The following MCPH1 variants were observed in gnomAD, a reference collection of about 807,000 sequenced individuals.
MCPH1 encodes the protein microcephalin 1, also known as microcephalin.
Under a neutral mutation model 84.5 loss-of-function variants are expected in MCPH1, and 104 were observed. The observed-to-expected ratio is 1.23, with a 90% confidence interval of 1.05 to 1.45. The LOEUF (loss-of-function observed/expected upper bound fraction) is 1.45, where lower values mean the gene tolerates loss of function less well. Among genes scored for constraint, MCPH1 ranks in the 40% most tolerant of loss-of-function variants. The probability of loss-of-function intolerance (pLI) is 0.00; values close to 1 mark genes in which losing one functional copy is unlikely to be tolerated. For missense variants in MCPH1, 1,498 were observed against 1,005.7 expected (o/e 1.49, Z -6.62); for synonymous variants, 514 against 366.8 (o/e 1.40, Z -4.58).
chr8:6,575,045 C>T (rs929381321), intron 12 of MCPH1, among the ~76,000 whole-genome samples: 13 of 152,156 alleles, frequency 8.5e-5, no homozygotes, highest in Admixed American at 7.9e-4. Context: ...TTCTCAAGGG[C>T]TCGGAAGGGG....
At chr8:6,439,429 C>T (rs866956899) in intron 6 of MCPH1, among the ~76,000 whole-genome samples, 1 of 145,298 alleles carries the variant, frequency 6.9e-6, no homozygotes, top group South Asian at 2.2e-4. Context: ...TTGCATTTGT[C>T]ACCCAGGCTG....
At chr8:6,572,867 C>T (rs1403742454) in intron 12 of MCPH1, among the ~76,000 whole-genome samples, 2 of 152,194 alleles carry the variant, frequency 1.3e-5, no homozygotes, top group East Asian at 1.9e-4. Context: ...GGGAAGCCTC[C>T]CAAACCACGT....
intron 12 of MCPH1, among the ~76,000 whole-genome samples, chr8:6,559,055 T>G (rs752435814): frequency 3.9e-5 from 6 of 152,088 alleles, no homozygotes; most frequent in Non-Finnish European, 8.8e-5. Flanking sequence ...ATTTCACCAC[T>G]CAGGATGTAG....
At chr8:6,479,242 G>C (rs1174413543) in intron 10 of MCPH1, among the ~76,000 whole-genome samples, 1 of 151,254 alleles carries the variant, frequency 6.6e-6, no homozygotes, top group Admixed American at 6.6e-5. Context: ...ACTCCAGCCT[G>C]GGCAACAGAG....
chr8:6,640,323 A>G (rs1296399037), intron 13 of MCPH1, among the ~76,000 whole-genome samples: 2 of 152,190 alleles, frequency 1.3e-5, no homozygotes, highest in Non-Finnish European at 2.9e-5. Flanking sequence ...TACTAACGGT[A>G]CATAAAGTCC....
intron 12 of MCPH1, among the ~76,000 whole-genome samples, chr8:6,592,078 G>C (rs1180646150): frequency 6.6e-6 from 1 of 152,132 alleles, no homozygotes; most frequent in Non-Finnish European, 1.5e-5. Flanking sequence ...AAAGCAAATA[G>C]AGAACAATAC....
At chr8:6,545,429 A>G (rs1822406117) in intron 12 of MCPH1, among the ~76,000 whole-genome samples, 1 of 152,208 alleles carries the variant, frequency 6.6e-6, no homozygotes, top group East Asian at 1.9e-4. Flanking sequence ...CTATGACCCT[A>G]GTTACTATGG....
Position 6,529,904 on chromosome 8 carries a change from C to T in MCPH1, c.2214+29975C>T, listed in dbSNP as rs375534369. Among the ~76,000 whole-genome samples, 7 of 150,572 alleles carry T rather than the reference C, an allele frequency of 4.6e-5. No homozygotes were observed. The East Asian group carries it at 5.9e-4, about 13-fold the overall frequency. The stretch of plus-strand genomic sequence containing the variant: ...GGCGTTTTTTTTTTAAATCATATGA[C>T]GCAACACAAGTACATCAAATGCTAT... On this transcript the variant is annotated intron_variant, in intron 12 of 13. Transcript: ENST00000344683.
At chr8:6,423,838 A>T (rs1471247691) in intron 3 of MCPH1, among the ~76,000 whole-genome samples, 1 of 152,148 alleles carries the variant, frequency 6.6e-6, no homozygotes, top group African/African-American at 2.4e-5. Flanking sequence ...GTTTCCCAAT[A>T]CCTTTGCTAA....
At chr8:6,575,942 A>C (rs1031137885) in intron 12 of MCPH1, among the ~76,000 whole-genome samples, 1 of 151,362 alleles carries the variant, frequency 6.6e-6, no homozygotes, top group African/African-American at 2.4e-5. Context: ...CCTGCCCCAC[A>C]CCTTCACCTC....
chr8:6,443,009 G>GT (rs753325305), intron 7 of MCPH1, among the ~76,000 whole-genome samples: 3 of 152,298 alleles, frequency 2.0e-5, no homozygotes, highest in Non-Finnish European at 4.4e-5. Flanking sequence ...TTTCCTAGAA[G>GT]TTGGAAACAA....
chr8:6,595,673 G>GT (rs1178547593), intron 12 of MCPH1, among the ~76,000 whole-genome samples: 1 of 152,228 alleles, frequency 6.6e-6, no homozygotes, highest in East Asian at 1.9e-4. Context: ...AGAGTGCACT[G>GT]TCCAACAAGG....
At chr8:6,578,654 C>A (rs1827305280) in intron 12 of MCPH1, among the ~76,000 whole-genome samples, 1 of 152,022 alleles carries the variant, frequency 6.6e-6, no homozygotes, top group African/African-American at 2.4e-5. Context: ...AATACAAAAC[C>A]CTGCGTGGAA....
intron 8 of MCPH1, among the ~76,000 whole-genome samples, chr8:6,450,481 A>G (rs1804968847): frequency 6.7e-6 from 1 of 149,656 alleles, no homozygotes; most frequent in African/African-American, 2.5e-5. Context: ...TAAGCCTTGG[A>G]TACCACCTCC....
At chr8:6,639,772 G>C (rs750359573) in intron 13 of MCPH1, among the ~76,000 whole-genome samples, 1 of 151,914 alleles carries the variant, frequency 6.6e-6, no homozygotes, top group Non-Finnish European at 1.5e-5. Flanking sequence ...TTTTTCAGGA[G>C]CTTTTATTTA....
chr8:6,577,173 C>T (rs1013586868), intron 12 of MCPH1, among the ~76,000 whole-genome samples: 1 of 152,206 alleles, frequency 6.6e-6, no homozygotes, highest in Non-Finnish European at 1.5e-5. Context: ...CTCGTTAATC[C>T]AGGTGGCCAG....
At chr8:6,629,913 G>A (rs953225265) in intron 13 of MCPH1, among the ~76,000 whole-genome samples, 1 of 152,140 alleles carries the variant, frequency 6.6e-6, no homozygotes, top group Admixed American at 6.5e-5. Flanking sequence ...CCCAGCAAGT[G>A]GAAAACTCTT....
intron 12 of MCPH1, among the ~76,000 whole-genome samples, chr8:6,523,197 C>T (rs1462229170): frequency 1.3e-5 from 2 of 152,098 alleles, no homozygotes; most frequent in African/African-American, 4.8e-5. Context: ...TGGGCTTTTA[C>T]CGTGTTAGCC....
chr8:6,500,350 C>T (rs1252974170), intron 12 of MCPH1: 1 of 161,548 alleles, frequency 6.2e-6, no homozygotes, highest in African/African-American at 2.4e-5. Flanking sequence ...TCCACTTCAA[C>T]TTTCAAATGC....
Sources: allele counts gnomAD v4.1 joint callset (sites outside exome capture counted in the v4.1 genomes callset), GRCh38; gene constraint gnomAD v4.1.1; transcripts MANE v1.5; gene names NCBI Gene and HGNC (gene_info 2026-07-23, HGNC 2026-07-21).